The following OPCML variants were observed in gnomAD, a reference collection of about 807,000 sequenced individuals.
OPCML encodes opioid-binding protein/cell adhesion molecule.
Under a neutral mutation model 37.8 loss-of-function variants are expected in OPCML, and 13 were observed. The observed-to-expected ratio is 0.34, with a 90% CI of 0.22 to 0.55. The LOEUF is 0.55. OPCML is among the 20% of genes least tolerant of loss of function. OPCML has a pLI of 0.91. For missense variants in OPCML, 341 were observed against 435.6 expected (o/e 0.78, Z 1.93); for synonymous variants, 176 against 168.8 (o/e 1.04, Z -0.33).
intron 1 of OPCML, among the ~76,000 whole-genome samples, chr11:133,458,768 C>CGTGTGTGTATATACACATAGATGCACAT (rs1946781899): frequency 2.9e-4 from 7 of 24,254 alleles, no homozygotes; most frequent in Middle Eastern, 0.045. Context: ...CATAGATGCA[C>CGTGTGTGTATATACACATAGATGCACAT]GTGTGTGTAT....
intron 1 of OPCML, among the ~76,000 whole-genome samples, chr11:133,404,595 C>T (rs4937769): frequency 0.51 from 77,538 of 152,062 alleles, 22,954 homozygotes; most frequent in South Asian, 0.72. Flanking sequence ...TTAACCACTA[C>T]GCCACACTGC....
chr11:132,424,474 C>T (rs948325984), intron 7 of OPCML, among the ~76,000 whole-genome samples: 3 of 152,046 alleles, frequency 2.0e-5, no homozygotes, highest in African/African-American at 7.3e-5. Context: ...CTAAAATGCA[C>T]CCGGATAAAA....
intron 4 of OPCML, among the ~76,000 whole-genome samples, chr11:132,477,655 A>G (rs898852593): frequency 2.0e-5 from 3 of 152,208 alleles, no homozygotes; most frequent in Admixed American, 2.0e-4. Context: ...GCAAAGTTCA[A>G]GACAGAAGCA....
At chr11:133,495,136 A>G (rs1159252546) in intron 1 of OPCML, among the ~76,000 whole-genome samples, 2 of 152,090 alleles carry the variant, frequency 1.3e-5, no homozygotes, top group East Asian at 1.9e-4. Flanking sequence ...GCTCCTTTAT[A>G]TCTGTGAGAA....
chr11:132,593,705 C>T (rs1045037270), intron 3 of OPCML, among the ~76,000 whole-genome samples: 1 of 152,114 alleles, frequency 6.6e-6, no homozygotes, highest in Admixed American at 6.5e-5. Context: ...ACAGAATCAC[C>T]TGTGGCTTGG....
intron 1 of OPCML, among the ~76,000 whole-genome samples, chr11:133,215,445 A>C (rs757693534): frequency 6.6e-6 from 1 of 152,190 alleles, no homozygotes; most frequent in Non-Finnish European, 1.5e-5. Flanking sequence ...TTTGAAAGGC[A>C]CATCAAAAGT....
At chr11:133,112,312 G>GAAAAAAAAAAAAA (rs1949269165) in intron 1 of OPCML, among the ~76,000 whole-genome samples, 6 of 33,634 alleles carry the variant, frequency 1.8e-4, no homozygotes, top group African/African-American at 9.2e-4. Flanking sequence ...AAAAAAAAAG[G>GAAAAAAAAAAAAA]GGAAAGAAAC....
chr11:132,683,401 G>A (rs1943035719), intron 2 of OPCML, among the ~76,000 whole-genome samples: 2 of 152,186 alleles, frequency 1.3e-5, no homozygotes, highest in Non-Finnish European at 1.5e-5. Flanking sequence ...AAAGTTGACA[G>A]GTGCACTACT....
chr11:132,815,021 T>TC (rs1252879186), intron 2 of OPCML, among the ~76,000 whole-genome samples: 1 of 152,196 alleles, frequency 6.6e-6, no homozygotes, highest in Non-Finnish European at 1.5e-5. Context: ...AAGCCATCTT[T>TC]CCCCAAAGAG....
At chr11:132,671,170 G>C (rs973249033) in intron 2 of OPCML, among the ~76,000 whole-genome samples, 7 of 152,164 alleles carry the variant, frequency 4.6e-5, no homozygotes, top group Admixed American at 3.9e-4. Context: ...GGGATGGGAG[G>C]TGAAGTCTTC....
intron 2 of OPCML, among the ~76,000 whole-genome samples, chr11:132,868,129 G>T (rs1174698016): frequency 6.6e-6 from 1 of 152,122 alleles, no homozygotes. Context: ...GAGGGGTTAA[G>T]TGTTATTTTC....
chr11:132,681,715 G>A (rs1313931385), intron 2 of OPCML, among the ~76,000 whole-genome samples: 1 of 152,102 alleles, frequency 6.6e-6, no homozygotes, highest in Non-Finnish European at 1.5e-5. Flanking sequence ...CAGCACTTTG[G>A]GAGGCCGAGG....
At chr11:133,438,447 T>C (rs1029204106) in intron 1 of OPCML, among the ~76,000 whole-genome samples, 1 of 151,754 alleles carries the variant, frequency 6.6e-6, no homozygotes, top group African/African-American at 2.4e-5. Context: ...ATATCAGCAA[T>C]CACAGAAAAA....
chr11:132,512,824 A>C (rs1370529875), intron 4 of OPCML, among the ~76,000 whole-genome samples: 1 of 151,926 alleles, frequency 6.6e-6, no homozygotes, highest in Non-Finnish European at 1.5e-5. Flanking sequence ...GTTTGCCTCA[A>C]GTTGAAAGTG....
At chr11:132,621,896 T>C (rs1939432108) in intron 3 of OPCML, among the ~76,000 whole-genome samples, 1 of 152,184 alleles carries the variant, frequency 6.6e-6, no homozygotes, top group Admixed American at 6.5e-5. Flanking sequence ...AAATCTTTTG[T>C]GTAGGAGACA....
chr11:133,446,419 G>T (rs933047894), intron 1 of OPCML, among the ~76,000 whole-genome samples: 9 of 152,106 alleles, frequency 5.9e-5, no homozygotes, highest in African/African-American at 2.2e-4. Flanking sequence ...AATATAACTA[G>T]TTTATTTTAT....
intron 2 of OPCML, among the ~76,000 whole-genome samples, chr11:132,858,928 T>C (rs964209096): frequency 3.9e-5 from 6 of 152,208 alleles, no homozygotes; most frequent in African/African-American, 1.4e-4. Flanking sequence ...TGTGTGTGTG[T>C]ATACTTGGAA....
At chr11:132,608,738 C>CA (rs1938455913) in intron 3 of OPCML, among the ~76,000 whole-genome samples, 1 of 152,168 alleles carries the variant, frequency 6.6e-6, no homozygotes, top group African/African-American at 2.4e-5. Flanking sequence ...AAACCAGCCC[C>CA]TCCTGGGTCT....
chr11:132,672,676 G>C (rs143676415), intron 2 of OPCML, among the ~76,000 whole-genome samples: 1 of 152,142 alleles, frequency 6.6e-6, no homozygotes, highest in African/African-American at 2.4e-5. Context: ...TTAAGAGAGC[G>C]AGAATTGTTT....
Sources: gnomAD v4.1 joint callset for allele counts (sites outside exome capture counted in the v4.1 genomes callset) on GRCh38, gnomAD v4.1.1 for gene constraint, MANE v1.5 for transcripts, NCBI Gene and HGNC (gene_info 2026-07-23, HGNC 2026-07-21) for gene names.